The following UTP14C variants were observed in gnomAD, a reference collection of about 807,000 sequenced individuals.
The protein encoded by UTP14C is U3 small nucleolar RNA-associated protein 14 homolog C.
Under a neutral mutation model 14.6 loss-of-function variants are expected in UTP14C, and 10 were observed. The ratio of observed to expected loss-of-function variants is 0.68; its 90% CI spans 0.42 to 1.16. UTP14C has a LOEUF of 1.16. Ranked by LOEUF, UTP14C falls within the 50% of genes most tolerant of loss-of-function variation. UTP14C has a pLI of 0.00. For missense variants in UTP14C, 818 were observed against 890.8 expected, an observed-to-expected ratio of 0.92 and a Z score of 1.04; for synonymous variants, 315 against 331.6, an observed-to-expected ratio of 0.95 and a Z score of 0.54.
Position 52,030,173 on chromosome 13 carries a change from G to A in UTP14C, c.1369G>A (p.Glu457Lys), listed in dbSNP as rs1161503934. The A allele has an allele frequency of 1.7e-5, 28 of 1,613,912 alleles. No homozygotes were observed. The highest frequency in any genetic ancestry group is 1.9e-5 in the Non-Finnish European group (23 of 1,180,050). ...TTCTAGCAGCCAGGAGGTGCTGTCC[G>A]AATTGAGGGCACTATCTCAGAAATT... ...KDSSSQEVLS[E>K]LRALSQKLKE... The change falls in exon 2 of 2, where the codon GAA becomes AAA. Residue 457 changes from glutamate to lysine, a missense_variant. Glu to Lys is a moderately conservative substitution (Grantham distance 56). Transcript: ENST00000521776.
chr13:52,029,063 G>A lies in UTP14C; in HGVS notation c.259G>A (p.Ala87Thr). The A allele has an allele frequency of 6.2e-7, 1 of 1,614,252 alleles. No homozygotes were observed. The highest frequency in any genetic ancestry group is 8.5e-7 in the Non-Finnish European group (1 of 1,180,050). The part of the protein sequence containing the change: ...SEGSGEKLGL[A>T]DLLEPVKTSS... ...AGGATCAGGAGAAAAGCTGGGCCTT[G>A]CAGATCTGCTTGAGCCCGTTAAAAC... is the stretch of plus-strand genomic sequence containing the variant. The change falls in exon 2 of 2, where the codon GCA becomes ACA. Residue 87 changes from alanine (A) to threonine (T), a missense_variant. Coordinates refer to ENST00000521776, the MANE Select transcript of UTP14C (RefSeq NM_021645.6).
At position 52,031,452 on chromosome 13, in the gene UTP14C, G is replaced by A. The variant is rs142445205; in HGVS notation, c.*347G>A. The A allele has an allele frequency of 7.7e-6, 2 of 261,278 alleles. No individual in the cohort carries two copies. The highest frequency in any genetic ancestry group is 1.8e-4 in the East Asian group (2 of 11,120). The allele number at this position is 261,278 out of a possible 1,614,324, so 16.2% of individuals were successfully genotyped here. A position where few individuals can be genotyped will look rare whatever the true frequency, so the allele number is the denominator to read the frequency against. ...GGTGGGACTGACTGATGCTTTATAG[G>A]TGTGTGTAGGGTGGTAGAGGCCAAG... On this transcript the variant is annotated 3_prime_UTR_variant, in exon 2 of 2. Transcript: ENST00000521776.
At position 52,028,562 on chromosome 13, in the gene UTP14C, TATC is replaced by T. The variant is rs1236484244; in HGVS notation, c.-239_-237del. 6.2e-7 allele frequency: 1 copy of T among 1,614,188 alleles called. No individual in the cohort carries two copies. The highest frequency in any genetic ancestry group is 8.5e-7 in the Non-Finnish European group (1 of 1,179,984). Reference sequence around the variant, plus strand: ...GATCAGGAATTTGAAGTGACATTCCTATCATCTGTGGAAAAGTTATTTAAGTAA... The same window carrying T: ...GATCAGGAATTTGAAGTGACATTCCTATCTGTGGAAAAGTTATTTAAGTAA... On this transcript the variant is annotated 5_prime_UTR_variant, in exon 2 of 2. Coordinates refer to ENST00000521776, the MANE Select transcript of UTP14C (RefSeq NM_021645.6).
Position 52,031,343 on chromosome 13 carries a change from CT to C in UTP14C, c.*242del. ...ATTCTAAACAATACAGTGGATGACCCTTTTGAATATACCTAATGATTTCCTT... is the reference window on the plus strand; with the variant it reads ...ATTCTAAACAATACAGTGGATGACCCTTTGAATATACCTAATGATTTCCTT... On this transcript the variant is annotated 3_prime_UTR_variant, in exon 2 of 2. Transcript: ENST00000521776. 1.7e-6 allele frequency: 1 copy of C among 572,254 alleles called. No homozygotes were observed. The highest frequency in any genetic ancestry group is 3.0e-6 in the Non-Finnish European group (1 of 335,654). 35.4% of individuals were successfully genotyped at this position (572,254 alleles called of 1,614,324 possible).
chr13:52,031,252 C>CATT lies in UTP14C; in HGVS notation c.*149_*151dup. On this transcript the variant is annotated 3_prime_UTR_variant, in exon 2 of 2. Transcript: ENST00000521776. ...TTTTTAAAAAAAGAAAATGGATGACCATTAATTGACTAGCATTTTAGAATT... is the reference window on the plus strand; with the variant it reads ...TTTTTAAAAAAAGAAAATGGATGACCATTATTAATTGACTAGCATTTTAGAATT... 1 of 1,165,962 alleles carries CATT rather than the reference C, an allele frequency of 8.6e-7. No individual in the cohort carries two copies. Among genetic ancestry groups the CATT allele is most frequent in the Admixed American group, 2.9e-5 (1 of 34,744 alleles). The allele number at this position is 1,165,962 out of a possible 1,614,324, so 72.2% of individuals were successfully genotyped here. A position where few individuals can be genotyped will look rare whatever the true frequency, so the allele number is the denominator to read the frequency against.
At position 52,029,325 on chromosome 13, in the gene UTP14C, T is replaced by G. The variant is rs776693469; in HGVS notation, c.521T>G (p.Leu174Arg). The G allele has an allele frequency of 5.6e-6, 9 of 1,614,110 alleles. No homozygotes were observed. In the South Asian group the frequency reaches 9.9e-5, roughly 18 times the overall value. ...QPAIAPIEHA[L>R]SGWKARTPLE... Reference sequence around the variant, plus strand: ...GCCATTGCTCCCATTGAACATGCGCTCAGTGGCTGGAAGGCAAGAACTCCC... The same window carrying G: ...GCCATTGCTCCCATTGAACATGCGCGCAGTGGCTGGAAGGCAAGAACTCCC... The change falls in exon 2 of 2, where the codon CTC becomes CGC. Residue 174 changes from leucine to arginine, a missense_variant. Physicochemically the swap from Leu to Arg is moderately radical, Grantham distance 102. Coordinates refer to ENST00000521776, the MANE Select transcript of UTP14C (RefSeq NM_021645.6).
At chr13:52,028,298 G>A (rs1230744532) in intron 1 of UTP14C, 21 bp from the exon 2 acceptor site, 1 of 1,614,010 alleles carries the variant, frequency 6.2e-7, no homozygotes, top group African/African-American at 1.3e-5. Context: ...AAGATTACAT[G>A]ATTTGTGTTT....
Position 52,030,411 on chromosome 13 carries a change from CAGAG to C in UTP14C, c.1610_1613del (p.Glu537GlyfsTer19), listed in dbSNP as rs760966726. On this transcript the variant is annotated frameshift_variant, in exon 2 of 2. Coordinates refer to ENST00000521776, the MANE Select transcript of UTP14C (RefSeq NM_021645.6). LOFTEE classifies it low-confidence loss of function (END_TRUNC). ...AGACCTGTGTTAGAAGGACAGCAGT[CAGAG>C]AGGACCCCAAATAATCGGCCTGATG... 1.7e-5 allele frequency: 28 copies of C among 1,614,090 alleles called. No homozygotes were observed. The highest frequency in any genetic ancestry group is 2.2e-5 in the East Asian group (1 of 44,898).
Position 52,030,112 on chromosome 13 carries a change from G to C in UTP14C, c.1308G>C (p.Gln436His), listed in dbSNP as rs148269361. The C allele has an allele frequency of 8.4e-5, 135 of 1,614,224 alleles. No individual in the cohort carries two copies. The highest frequency in any genetic ancestry group is 1.1e-4 in the Non-Finnish European group (131 of 1,180,038). ...QSLRKRSELN[Q>H]DAEPASSQET... Reference sequence around the variant, plus strand: ...TTAGAAAAAGATCTGAGCTCAACCAGGATGCTGAGCCAGCAAGCAGTCAAG... The same window carrying C: ...TTAGAAAAAGATCTGAGCTCAACCACGATGCTGAGCCAGCAAGCAGTCAAG... The change falls in exon 2 of 2, where the codon CAG becomes CAC. Residue 436 changes from glutamine (Q) to histidine (H), a missense_variant. Transcript: ENST00000521776.
Position 52,029,363 on chromosome 13 carries a change from A to G in UTP14C, c.559A>G (p.Ile187Val), listed in dbSNP as rs200048072. 6.8e-6 allele frequency: 11 copies of G among 1,613,950 alleles called. No homozygotes were observed. The highest frequency in any genetic ancestry group is 1.6e-4 in the Middle Eastern group (1 of 6,084). ...GGCAAGAACTCCCCTGGAGCAGGAA[A>G]TTTTTAACCTCCTCCATAAGAACAA... Reference protein sequence around the residue: ...WKARTPLEQEIFNLLHKNKQP... With the variant: ...WKARTPLEQEVFNLLHKNKQP... The change falls in exon 2 of 2, where the codon ATT (isoleucine) becomes GTT (valine). Residue 187 changes from isoleucine (I) to valine (V), a missense_variant. Transcript: ENST00000521776.
Position 52,029,805 on chromosome 13 carries a change from A to G in UTP14C, c.1001A>G (p.Gln334Arg). Reference protein sequence around the residue: ...EQLAKNKELTQKLQVASESEE... With the variant: ...EQLAKNKELTRKLQVASESEE... ...TTGGCCAAGAACAAAGAACTGACAC[A>G]GAAACTCCAGGTAGCCTCTGAGAGT... Residue 334 changes from glutamine to arginine, a missense_variant, in exon 2 of 2, where the codon CAG becomes CGG. Transcript: ENST00000521776. 1 of 1,614,232 alleles carries G rather than the reference A, an allele frequency of 6.2e-7. No homozygotes were observed. The highest frequency in any genetic ancestry group is 8.5e-7 in the Non-Finnish European group (1 of 1,180,046).
rs146338412 is a variant in UTP14C at position 52,025,576 on chromosome 13, G to A, written c.-487+639G>A. 6.6e-5 allele frequency among the ~76,000 whole-genome samples: 10 copies of A among 152,294 alleles called. 1 individual carries two copies. The highest frequency in any genetic ancestry group is 2.4e-4 in the African/African-American group (10 of 41,566). ...TGATTCTACCCTCACCATTGGAATGGCTCTCCTCTTTGTGCCAGATTGCAT... is the reference window on the plus strand; with the variant it reads ...TGATTCTACCCTCACCATTGGAATGACTCTCCTCTTTGTGCCAGATTGCAT... On this transcript the variant is annotated intron_variant, in intron 1 of 1. Transcript: ENST00000521776.
At position 52,024,740 on chromosome 13, in the gene UTP14C, T is replaced by C. The variant is rs766009227; in HGVS notation, c.-684T>C. ...AAGATGGTTGAGTCACCTCCTTCGC[T>C]TAAACTTGTCCTCATTGGAGGTTGT... On this transcript the variant is annotated 5_prime_UTR_variant, in exon 1 of 2. Coordinates refer to ENST00000521776, the MANE Select transcript of UTP14C (RefSeq NM_021645.6). The C allele has an allele frequency of 6.2e-7, 1 of 1,614,236 alleles. No individual in the cohort carries two copies. Among genetic ancestry groups the C allele is most frequent in the African/African-American group, 1.3e-5 (1 of 75,066 alleles).
At position 52,031,254 on chromosome 13, in the gene UTP14C, T is replaced by C. The variant is rs1356234649; in HGVS notation, c.*149T>C. The C allele has an allele frequency of 1.7e-6, 2 of 1,164,888 alleles. No individual in the cohort carries two copies. The highest frequency in any genetic ancestry group is 1.8e-5 in the South Asian group (1 of 56,406). The allele number at this position is 1,164,888 out of a possible 1,614,324, so 72.2% of individuals were successfully genotyped here. On this transcript the variant is annotated 3_prime_UTR_variant, in exon 2 of 2. Coordinates refer to ENST00000521776, the MANE Select transcript of UTP14C (RefSeq NM_021645.6). ...TTTAAAAAAAGAAAATGGATGACCA[T>C]TAATTGACTAGCATTTTAGAATTGA... is the stretch of plus-strand genomic sequence containing the variant.
At chr13:52,027,115 G>A (rs1341182744) in intron 1 of UTP14C, among the ~76,000 whole-genome samples, 1 of 152,150 alleles carries the variant, frequency 6.6e-6, no homozygotes, top group Non-Finnish European at 1.5e-5. Flanking sequence ...TGGTGACCTG[G>A]GCAAGAGCAG....
rs886041534 is a variant in UTP14C, at chr13:52,024,851, TAAAC to T, written c.-571_-568del. ...GTTCAAGAATATGTGGAATTTAAAA[TAAAC>T]ATTCCATTTGATGAATTAAAGAATT... On this transcript the variant is annotated 5_prime_UTR_variant, in exon 1 of 2. The change creates a premature stop within an existing upstream ORF in the 5' untranslated region. Transcript: ENST00000521776. 6.2e-7 allele frequency: 1 copy of T among 1,614,026 alleles called. No homozygotes were observed. The highest frequency in any genetic ancestry group is 1.1e-5 in the South Asian group (1 of 91,062).
intron 1 of UTP14C, among the ~76,000 whole-genome samples, chr13:52,026,576 A>G (rs1954242540): frequency 6.6e-6 from 1 of 152,154 alleles, no homozygotes; most frequent in Non-Finnish European, 1.5e-5. Flanking sequence ...CTGCAGTAGT[A>G]TTGACCAGGA....
At position 52,029,058 on chromosome 13, in the gene UTP14C, G is replaced by T. The variant is rs3742289; in HGVS notation, c.254G>T (p.Gly85Val). The change falls in exon 2 of 2, where the codon GGC becomes GTC. Residue 85 changes from glycine to valine, a missense_variant. Physicochemically the swap from Gly to Val is moderately radical, Grantham distance 109. Coordinates refer to ENST00000521776, the MANE Select transcript of UTP14C (RefSeq NM_021645.6). ...VSSEGSGEKL[G>V]LADLLEPVKT... ...TCTGAAGGATCAGGAGAAAAGCTGG[G>T]CCTTGCAGATCTGCTTGAGCCCGTT... The T allele has an allele frequency of 0.68, 1,094,370 of 1,614,010 alleles. 374,382 individuals carry two copies. Among genetic ancestry groups the T allele is most frequent in the Non-Finnish European group, 0.71 (831,964 of 1,179,986 alleles).
Position 52,030,433 on chromosome 13 carries a change from G to T in UTP14C, c.1629G>T (p.Arg543=). The T allele has an allele frequency of 6.2e-7, 1 of 1,614,218 alleles. No individual in the cohort carries two copies. The highest frequency in any genetic ancestry group is 1.3e-5 in the African/African-American group (1 of 75,034). ...GQQSERTPNN[R]PDAPKEKKEK... is the part of the protein sequence containing the mutation. ...AGTCAGAGAGGACCCCAAATAATCGGCCTGATGCCCCTAAGGAGAAGAAAG... is the reference window on the plus strand; with the variant it reads ...AGTCAGAGAGGACCCCAAATAATCGTCCTGATGCCCCTAAGGAGAAGAAAG... Residue 543 remains arginine (R), a synonymous_variant, in exon 2 of 2, where the codon CGG becomes CGT. Coordinates refer to ENST00000521776, the MANE Select transcript of UTP14C (RefSeq NM_021645.6).
Sources: gnomAD v4.1 joint callset for allele counts (sites outside exome capture counted in the v4.1 genomes callset) on GRCh38, gnomAD v4.1.1 for gene constraint, MANE v1.5 for transcripts, NCBI Gene and HGNC (gene_info 2026-07-23, HGNC 2026-07-21) for gene names.